GALNT13: variants seen among roughly 807,000 people sequenced by gnomAD.
GALNT13 encodes the protein UDP-GalNAc:polypeptide N-acetylgalactosaminyltransferase 13.
GALNT13 carries 28 observed loss-of-function variants against 64.2 expected under a neutral mutation model. The observed-to-expected ratio is 0.44, with a 90% confidence interval of 0.32 to 0.60. GALNT13 has a LOEUF of 0.60. GALNT13 is among the 20% of genes least tolerant of loss of function. GALNT13 has a pLI of 0.05. For synonymous variants in GALNT13, 214 were observed against 224.6 expected (o/e 0.95, Z 0.42); for missense variants, 577 against 669.8 (o/e 0.86, Z 1.53).
the GALNT13 span, among the ~76,000 whole-genome samples, chr2:153,213,588 C>T: frequency 1.3e-5 from 2 of 152,182 alleles, no homozygotes; most frequent in Non-Finnish European, 1.5e-5. Context: ...GATACAAATA[C>T]TGTGCCTTGG....
chr2:154,333,336 A>G (rs984731339), intron 9 of GALNT13, among the ~76,000 whole-genome samples: 2 of 152,116 alleles, frequency 1.3e-5, no homozygotes, highest in African/African-American at 4.8e-5. Flanking sequence ...ATGTTTTATA[A>G]AAGAAATATG....
chr2:154,117,913 C>A (rs541301238), intron 3 of GALNT13, among the ~76,000 whole-genome samples: 1 of 152,264 alleles, frequency 6.6e-6, no homozygotes, highest in East Asian at 1.9e-4. Flanking sequence ...TTTGCTGAGG[C>A]TTGTTTTGTT....
chr2:153,105,549 A>G, the GALNT13 span, among the ~76,000 whole-genome samples: 1 of 152,160 alleles, frequency 6.6e-6, no homozygotes, highest in Non-Finnish European at 1.5e-5. Flanking sequence ...AAGGAAATAA[A>G]GGGCGTTCAA....
chr2:153,168,381 A>C, the GALNT13 span, among the ~76,000 whole-genome samples: 4 of 152,228 alleles, frequency 2.6e-5, no homozygotes, highest in East Asian at 7.7e-4. Context: ...TTGTTTTTAT[A>C]TTTTTTATTT....
At chr2:153,463,560 G>A in the GALNT13 span, among the ~76,000 whole-genome samples, 15 of 152,124 alleles carry the variant, frequency 9.9e-5, no homozygotes, top group East Asian at 2.7e-3. Flanking sequence ...TCTATCTTTT[G>A]CTTTCCATTC....
At chr2:153,171,833 G>A in the GALNT13 span, among the ~76,000 whole-genome samples, 11 of 152,116 alleles carry the variant, frequency 7.2e-5, no homozygotes, top group African/African-American at 2.7e-4. Context: ...GTTATTTTCT[G>A]TTAATTATAG....
chr2:153,689,754 C>G, the GALNT13 span, among the ~76,000 whole-genome samples: 1 of 152,018 alleles, frequency 6.6e-6, no homozygotes, highest in Non-Finnish European at 1.5e-5. Flanking sequence ...CTCTTCAAGA[C>G]TTTCACTTTG....
the GALNT13 span, among the ~76,000 whole-genome samples, chr2:153,465,413 G>T: frequency 6.6e-6 from 1 of 151,156 alleles, no homozygotes; most frequent in Non-Finnish European, 1.5e-5. Context: ...TGATATAAAG[G>T]TATTAAGTTT....
intron 10 of GALNT13, among the ~76,000 whole-genome samples, chr2:154,404,867 A>G (rs13410419): frequency 0.65 from 98,878 of 151,626 alleles, 32,780 homozygotes; most frequent in Admixed American, 0.73. Context: ...ACTACAGAAA[A>G]AGGTGTTCCA....
chr2:153,570,856 A>G, the GALNT13 span, among the ~76,000 whole-genome samples: 5 of 152,032 alleles, frequency 3.3e-5, no homozygotes, highest in South Asian at 1.0e-3. Context: ...TTTAGTTACT[A>G]TAACTCTGTC....
intron 9 of GALNT13, among the ~76,000 whole-genome samples, chr2:154,319,440 T>A (rs535987867): frequency 6.6e-6 from 1 of 152,110 alleles, no homozygotes; most frequent in East Asian, 1.9e-4. Flanking sequence ...CCGAGGTGGG[T>A]GGATCACTTG....
the GALNT13 span, among the ~76,000 whole-genome samples, chr2:153,084,580 C>T: frequency 8.7e-4 from 133 of 152,168 alleles, 2 homozygotes; most frequent in East Asian, 0.023. Context: ...GGGGCTGTTT[C>T]CCCCATATTC....
chr2:154,259,334 G>A (rs1690563758), intron 8 of GALNT13, among the ~76,000 whole-genome samples, 196 bp downstream of exon 8: 2 of 152,038 alleles, frequency 1.3e-5, no homozygotes, highest in African/African-American at 4.8e-5. Flanking sequence ...GAAATTATAG[G>A]TAATTTTTGT....
intron 11 of GALNT13, among the ~76,000 whole-genome samples, chr2:154,425,233 A>T (rs894539811): frequency 6.6e-6 from 1 of 152,212 alleles, no homozygotes; most frequent in South Asian, 2.1e-4. Context: ...AAAACTTTTA[A>T]AATTGTATGA....
intron 1 of GALNT13, among the ~76,000 whole-genome samples, chr2:153,887,507 A>T (rs766140862): frequency 6.6e-6 from 1 of 151,630 alleles, no homozygotes; most frequent in Non-Finnish European, 1.5e-5. Context: ...GTGTTAGTGA[A>T]ATATTGAGAA....
the GALNT13 span, among the ~76,000 whole-genome samples, chr2:153,201,525 A>T: frequency 6.6e-6 from 1 of 152,182 alleles, no homozygotes; most frequent in Non-Finnish European, 1.5e-5. Context: ...GAAAGATTCT[A>T]TGCAAAAACT....
chr2:153,613,054 G>A, the GALNT13 span, among the ~76,000 whole-genome samples: 28 of 152,218 alleles, frequency 1.8e-4, no homozygotes, highest in African/African-American at 6.5e-4. Flanking sequence ...TCTTATGTAA[G>A]AAGATAAATT....
the GALNT13 span, among the ~76,000 whole-genome samples, chr2:153,379,522 A>G: frequency 6.6e-6 from 1 of 152,184 alleles, no homozygotes; most frequent in African/African-American, 2.4e-5. Flanking sequence ...TGTCTTCAAA[A>G]TAATGCAGTT....
the GALNT13 span, among the ~76,000 whole-genome samples, chr2:153,259,941 A>G: frequency 6.6e-6 from 1 of 151,524 alleles, no homozygotes; most frequent in Admixed American, 6.6e-5. Flanking sequence ...GCATGCTTTA[A>G]ATTCTTGATT....
Sources: allele counts gnomAD v4.1 joint callset (sites outside exome capture counted in the v4.1 genomes callset), GRCh38; gene constraint gnomAD v4.1.1; transcripts MANE v1.5; gene names NCBI Gene and HGNC (gene_info 2026-07-23, HGNC 2026-07-21).